TENM3: variants seen among roughly 807,000 people sequenced by gnomAD.
TENM3 encodes teneurin transmembrane protein 3.
In TENM3, 63 loss-of-function variants were observed where a neutral mutation model predicts 255.1. That is an observed-to-expected ratio of 0.25 (90% CI 0.20 to 0.30). TENM3 has a LOEUF of 0.30. Among genes scored for constraint, TENM3 ranks in the 10% least tolerant of loss-of-function variants. The pLI is 1.00. For missense variants in TENM3, 2,929 were observed against 3,461.1 expected (o/e 0.85, Z 3.86); for synonymous variants, 1,306 against 1,322.3 (o/e 0.99, Z 0.27).
the TENM3 span, among the ~76,000 whole-genome samples, chr4:181,834,307 G>T: frequency 1.3e-5 from 2 of 152,158 alleles, no homozygotes; most frequent in African/African-American, 4.8e-5. Context: ...ACTAAAGAGA[G>T]ATGCCCAACT....
chr4:182,755,119 G>C lies in TENM3; in HGVS notation c.4752G>C (p.Val1584=), dbSNP rs778615949. 2.5e-6 allele frequency: 4 copies of C among 1,613,988 alleles called. No homozygotes were observed. Among genetic ancestry groups the C allele is most frequent in the Admixed American group, 3.3e-5 (2 of 60,022 alleles). ...GAGTGGTGTCTCCTGATAACCAAGT[G>C]ATATGGTTGACAATAGGAACAAATG... ...PVRVVSPDNQ[V]IWLTIGTNGC... Residue 1584 remains valine, a synonymous_variant, in exon 22 of 28, where the codon GTG becomes GTC. Transcript: ENST00000511685.
the TENM3 span, among the ~76,000 whole-genome samples, chr4:181,543,288 A>C: frequency 1.3e-5 from 2 of 152,098 alleles, no homozygotes; most frequent in Non-Finnish European, 2.9e-5. Context: ...AGAGCTTTCT[A>C]GGTAGGACTG....
chr4:181,749,284 AG>A, the TENM3 span, among the ~76,000 whole-genome samples: 1 of 152,106 alleles, frequency 6.6e-6, no homozygotes, highest in Non-Finnish European at 1.5e-5. Context: ...CTGAGGAAAA[AG>A]AAAAATGCAT....
chr4:181,459,028 A>G, the TENM3 span, among the ~76,000 whole-genome samples: 2 of 151,896 alleles, frequency 1.3e-5, no homozygotes, highest in Non-Finnish European at 2.9e-5. Context: ...GGAATATATG[A>G]GATTTTTATT....
intron 1 of TENM3, among the ~76,000 whole-genome samples, chr4:182,211,190 A>G (rs1755013460): frequency 6.6e-6 from 1 of 152,220 alleles, no homozygotes; most frequent in Admixed American, 6.5e-5. Flanking sequence ...TTTAAGAGTA[A>G]AGGTAGTATT....
chr4:182,383,755 T>C (rs908978007), intron 3 of TENM3, among the ~76,000 whole-genome samples: 4 of 152,256 alleles, frequency 2.6e-5, no homozygotes, highest in South Asian at 2.1e-4. Context: ...TTTCAGACTA[T>C]GCTTCAAGGC....
At chr4:181,456,294 T>C in the TENM3 span, among the ~76,000 whole-genome samples, 3 of 151,808 alleles carry the variant, frequency 2.0e-5, no homozygotes, top group Non-Finnish European at 4.4e-5. Context: ...CCCTGATGTA[T>C]AAAACCTCAA....
the TENM3 span, among the ~76,000 whole-genome samples, chr4:181,824,722 C>T: frequency 6.6e-6 from 1 of 152,034 alleles, no homozygotes; most frequent in African/African-American, 2.4e-5. Context: ...TCTAATTCAC[C>T]AGACTCAATA....
chr4:182,528,523 A>T (rs1185085862), intron 3 of TENM3, among the ~76,000 whole-genome samples: 1 of 152,158 alleles, frequency 6.6e-6, no homozygotes, highest in Non-Finnish European at 1.5e-5. Flanking sequence ...GGGAAGAGTG[A>T]TTCTTTTTTA....
chr4:182,375,862 G>A (rs974438355), intron 3 of TENM3, among the ~76,000 whole-genome samples: 1 of 152,094 alleles, frequency 6.6e-6, no homozygotes, highest in African/African-American at 2.4e-5. Flanking sequence ...CATGTTGTGG[G>A]TGCTTTTTAA....
the TENM3 span, among the ~76,000 whole-genome samples, chr4:181,516,180 G>C: frequency 6.6e-6 from 1 of 151,772 alleles, no homozygotes; most frequent in Non-Finnish European, 1.5e-5. Context: ...ACAGGGAGGG[G>C]AACAACACAC....
At chr4:182,037,650 A>G in the TENM3 span, among the ~76,000 whole-genome samples, 1 of 152,124 alleles carries the variant, frequency 6.6e-6, no homozygotes, top group Non-Finnish European at 1.5e-5. Flanking sequence ...GTTTGTTTGT[A>G]TTGGCACATT....
chr4:182,224,872 G>A (rs1579796376), intron 1 of TENM3, among the ~76,000 whole-genome samples: 1 of 151,936 alleles, frequency 6.6e-6, no homozygotes, highest in Non-Finnish European at 1.5e-5. Context: ...GAGTGGCTGG[G>A]ATTACAGTCA....
the TENM3 span, among the ~76,000 whole-genome samples, chr4:182,039,313 G>T: frequency 6.6e-6 from 1 of 152,212 alleles, no homozygotes; most frequent in Non-Finnish European, 1.5e-5. Context: ...ACCTTTCCCT[G>T]CTCAGGAAAC....
intron 22 of TENM3, among the ~76,000 whole-genome samples, chr4:182,761,754 A>C (rs1181679084): frequency 6.6e-6 from 1 of 152,222 alleles, no homozygotes; most frequent in Non-Finnish European, 1.5e-5. Context: ...CAGATCACTT[A>C]AAATCATGGG....
chr4:182,609,544 C>G (rs2152428159), intron 4 of TENM3, among the ~76,000 whole-genome samples: 1 of 152,336 alleles, frequency 6.6e-6, no homozygotes, highest in East Asian at 1.9e-4. Flanking sequence ...CCCTCTGATT[C>G]TGCTGTAACC....
chr4:182,056,218 TGA>T, the TENM3 span, among the ~76,000 whole-genome samples: 2 of 152,184 alleles, frequency 1.3e-5, no homozygotes, highest in Non-Finnish European at 2.9e-5. Flanking sequence ...TAAAACCGAC[TGA>T]GAGATCTAAG....
At chr4:181,642,085 C>A in the TENM3 span, among the ~76,000 whole-genome samples, 1,326 of 151,690 alleles carry the variant, frequency 8.7e-3, 24 homozygotes, top group African/African-American at 0.03. Flanking sequence ...TACACTCCCA[C>A]CAACAGTGTA....
At chr4:182,698,502 C>T (rs1757602120) in intron 12 of TENM3, among the ~76,000 whole-genome samples, 1 of 152,238 alleles carries the variant, frequency 6.6e-6, no homozygotes, top group Non-Finnish European at 1.5e-5. Flanking sequence ...TGAGACTCCT[C>T]ACTGACTTCT....
Sources: allele counts gnomAD v4.1 joint callset (sites outside exome capture counted in the v4.1 genomes callset), GRCh38; gene constraint gnomAD v4.1.1; transcripts MANE v1.5; gene names NCBI Gene and HGNC (gene_info 2026-07-23, HGNC 2026-07-21).